Variants in ZDHHC6 observed in about 807,000 individuals in gnomAD.
ZDHHC6 encodes zDHHC palmitoyltransferase 6, also known as palmitoyltransferase ZDHHC6.
A neutral mutation model predicts 57.8 loss-of-function variants in ZDHHC6; 32 were observed. That is an observed-to-expected ratio of 0.55 (90% CI 0.42 to 0.74). The LOEUF is 0.74. ZDHHC6 is among the 30% of genes least tolerant of loss of function. ZDHHC6 has a pLI of 0.00. For synonymous variants in ZDHHC6, 128 were observed against 158.0 expected (o/e 0.81, Z 1.42); for missense variants, 433 against 500.7 (o/e 0.86, Z 1.29).
chr10:112,429,968 GGGGGGGGGTGT>G (rs1844886014), downstream of ZDHHC6, among the ~76,000 whole-genome samples: 1 of 63,916 alleles, frequency 1.6e-5, no homozygotes. Context: ...GCAGTTGTTG[GGGGGGGGGTGT>G]GGGGGGGGTA....
rs869272293 is a variant in ZDHHC6, at chr10:112,439,628, T to TAAAAAAAAAAAAAAAAAAAAAAAAA, written c.681+881_681+905dup. On this transcript the variant is annotated intron_variant, in intron 5 of 10. Transcript: ENST00000369405. The stretch of plus-strand genomic sequence containing the variant: ...CTGGGTGACAGAGTGAGACTCCGTC[T>TAAAAAAAAAAAAAAAAAAAAAAAAA]AAAAAAAAAAAAAAAAAAAAAAAAA... Among the ~76,000 whole-genome samples the TAAAAAAAAAAAAAAAAAAAAAAAAA allele has an allele frequency of 1.3e-3, 40 of 31,302 alleles. 3 individuals carry two copies. The highest frequency in any genetic ancestry group is 0.028 in the Middle Eastern group (1 of 36). 20.5% of individuals were successfully genotyped at this position (31,302 alleles called of 152,430 possible). A position where few individuals can be genotyped will look rare whatever the true frequency, so the allele number is the denominator to read the frequency against.
chr10:112,446,422 G>C (rs761460611), intron 1 of ZDHHC6, among the ~76,000 whole-genome samples: 1 of 152,112 alleles, frequency 6.6e-6, no homozygotes, highest in Non-Finnish European at 1.5e-5. Context: ...GGCGAGCTCC[G>C]GAGAGATTTG....
chr10:112,443,502 G>C lies in ZDHHC6; in HGVS notation c.359+13C>G. The C allele has an allele frequency of 6.2e-7, 1 of 1,612,686 alleles. No individual in the cohort carries two copies. Among genetic ancestry groups the C allele is most frequent in the Non-Finnish European group, 8.5e-7 (1 of 1,179,046 alleles). ...TTGATCAGTCCTCGCTGAACAGCAAGAAAGACAGGTACCTGTTACACTTTC... is the reference window on the plus strand; with the variant it reads ...TTGATCAGTCCTCGCTGAACAGCAACAAAGACAGGTACCTGTTACACTTTC... On this transcript the variant is annotated intron_variant, in intron 3 of 10. Coordinates refer to ENST00000369405, the MANE Select transcript of ZDHHC6 (RefSeq NM_022494.3).
chr10:112,428,781 A>G (rs1309512721), downstream of ZDHHC6, among the ~76,000 whole-genome samples: 1 of 151,960 alleles, frequency 6.6e-6, no homozygotes, highest in Non-Finnish European at 1.5e-5. Context: ...AAAAAAAAAA[A>G]ACAAAAACAA....
At chr10:112,425,767 C>A (rs1405219597), downstream of ZDHHC6, among the ~76,000 whole-genome samples, 1 of 152,118 alleles carries the variant, frequency 6.6e-6, no homozygotes, top group Non-Finnish European at 1.5e-5. Flanking sequence ...GCACTTAGTT[C>A]CCATTCCTTA....
intron 10 of ZDHHC6, 96 bp from the exon 11 acceptor site, chr10:112,431,003 G>A: frequency 2.0e-6 from 2 of 999,420 alleles, no homozygotes; most frequent in South Asian, 3.2e-5. Context: ...TAATAAGCTT[G>A]TAGTTAGACT....
intron 6 of ZDHHC6, among the ~76,000 whole-genome samples, chr10:112,438,039 T>G (rs1309444777): frequency 1.3e-5 from 2 of 152,198 alleles, no homozygotes; most frequent in African/African-American, 4.8e-5. Context: ...TGCTTTCTCC[T>G]CTAGTCTAAG....
intron 8 of ZDHHC6, 24 bp from the exon 9 acceptor site, chr10:112,432,545 C>G: frequency 6.3e-7 from 1 of 1,598,234 alleles, no homozygotes. Context: ...TCAGAAGAAA[C>G]CTTTAAATAT....
chr10:112,438,500 TA>T, intron 5 of ZDHHC6, 111 bp from the exon 6 acceptor site: 5 of 884,904 alleles, frequency 5.7e-6, no homozygotes, highest in Non-Finnish European at 3.1e-6. Flanking sequence ...TAGACAAAGA[TA>T]CCAAGGATAA....
At chr10:112,425,595 TA>T (rs71489969), downstream of ZDHHC6, 166,024 of 532,376 alleles carry the variant, frequency 0.31, 5,655 homozygotes, top group African/African-American at 0.34. Context: ...CTTATAAAAC[TA>T]AAAAAAAAAA....
chr10:112,435,988 C>T (rs928484670), intron 6 of ZDHHC6, among the ~76,000 whole-genome samples: 1 of 152,024 alleles, frequency 6.6e-6, no homozygotes, highest in Non-Finnish European at 1.5e-5. Context: ...CAGGAAGGGT[C>T]CTTGGGAGAA....
intron 10 of ZDHHC6, among the ~76,000 whole-genome samples, chr10:112,431,636 C>T (rs899707731): frequency 2.0e-5 from 3 of 151,956 alleles, no homozygotes; most frequent in African/African-American, 4.8e-5. Context: ...TTCTATATCA[C>T]GGCCGTCATA....
chr10:112,440,309 C>A (rs937478936), intron 5 of ZDHHC6, among the ~76,000 whole-genome samples: 2 of 152,124 alleles, frequency 1.3e-5, no homozygotes, highest in Non-Finnish European at 2.9e-5. Context: ...CCAGAACTTA[C>A]CTAACTTGAA....
chr10:112,435,069 A>C (rs1845394824), intron 6 of ZDHHC6, among the ~76,000 whole-genome samples: 1 of 152,194 alleles, frequency 6.6e-6, no homozygotes, highest in South Asian at 2.1e-4. Flanking sequence ...ATACTATCAC[A>C]CATGTACACA....
At chr10:112,440,900 C>T (rs1433083103) in intron 4 of ZDHHC6, among the ~76,000 whole-genome samples, 1 of 152,202 alleles carries the variant, frequency 6.6e-6, no homozygotes, top group Non-Finnish European at 1.5e-5. Context: ...GGCTGGAGTG[C>T]AGTGGCACGA....
Position 112,425,104 on chromosome 10 carries a change from T to C in ZDHHC6, c.*533A>G, listed in dbSNP as rs141117478. Reference sequence around the variant, plus strand: ...CATAACTCCAGTAGATCCAGGAGACTTTCTCTAAGGCTGCGCATTGACTCT... The same window carrying C: ...CATAACTCCAGTAGATCCAGGAGACCTTCTCTAAGGCTGCGCATTGACTCT... On this transcript the variant is annotated 3_prime_UTR_variant, in exon 12 of 12. Coordinates refer to the ZDHHC6 transcript ENST00000626395. 1.9e-4 allele frequency: 61 copies of C among 329,188 alleles called. No individual in the cohort carries two copies. The Middle Eastern group carries it at 3.2e-3, about 17-fold the overall frequency. The allele number at this position is 329,188 out of a possible 1,614,324, so 20.4% of individuals were successfully genotyped here.
chr10:112,425,734 C>T, downstream of ZDHHC6: 1 of 351,394 alleles, frequency 2.8e-6, no homozygotes, highest in Non-Finnish European at 5.1e-6. Context: ...GGTAATGATT[C>T]AGTAAAAAAT....
At chr10:112,442,376 C>T in intron 3 of ZDHHC6, 25 bp from the exon 4 acceptor site, 1 of 1,593,846 alleles carries the variant, frequency 6.3e-7, no homozygotes, top group Non-Finnish European at 8.5e-7. Flanking sequence ...TTACATAAAA[C>T]ATGAGGCAGA....
Position 112,442,095 on chromosome 10 carries a change from G to A in ZDHHC6, c.519+97C>T, listed in dbSNP as rs117380706. The stretch of plus-strand genomic sequence containing the variant: ...GTTCTATTTCCCCAACTAAATCACA[G>A]AAAGCATATTTCCAAAAGGAACCTC... On this transcript the variant is annotated intron_variant, in intron 4 of 10. Transcript: ENST00000369405. The A allele has an allele frequency of 2.0e-3, 2,676 of 1,327,924 alleles. 49 individuals are homozygous for A. In the East Asian group the frequency reaches 0.037, roughly 18 times the overall value. The allele number at this position is 1,327,924 out of a possible 1,614,324, so 82.3% of individuals were successfully genotyped here. A position where few individuals can be genotyped will look rare whatever the true frequency, so the allele number is the denominator to read the frequency against.
Sources: gnomAD v4.1 joint callset for allele counts (sites outside exome capture counted in the v4.1 genomes callset) on GRCh38, gnomAD v4.1.1 for gene constraint, MANE v1.5 for transcripts, NCBI Gene and HGNC (gene_info 2026-07-23, HGNC 2026-07-21) for gene names.